KCNIP4: variants seen among roughly 807,000 people sequenced by gnomAD.
KCNIP4 encodes the protein potassium voltage-gated channel interacting protein 4.
Under a neutral mutation model 34.0 loss-of-function variants are expected in KCNIP4, and 12 were observed. The observed-to-expected ratio is 0.35, with a 90% confidence interval of 0.23 to 0.57. The LOEUF is 0.57. Ranked by LOEUF, KCNIP4 falls within the 20% of genes least tolerant of loss-of-function variation. The pLI is 0.83. For missense variants in KCNIP4, 238 were observed against 311.7 expected, an observed-to-expected ratio of 0.76 and a Z score of 1.78; for synonymous variants, 124 against 102.2, an observed-to-expected ratio of 1.21 and a Z score of -1.29.
intron 1 of KCNIP4, among the ~76,000 whole-genome samples, chr4:21,757,190 GGAAGGAAGGAAAGAAA>G (rs1288785203): frequency 0.011 from 397 of 34,768 alleles, 17 homozygotes; most frequent in Admixed American, 0.071. Flanking sequence ...AAGGAAGGAA[GGAAGGAAGGAAAGAAA>G]GAAAGAAAGA....
At chr4:21,342,180 T>A (rs1716822496) in intron 1 of KCNIP4, among the ~76,000 whole-genome samples, 1 of 151,874 alleles carries the variant, frequency 6.6e-6, no homozygotes, top group African/African-American at 2.4e-5. Flanking sequence ...AGATTGTGAC[T>A]CAAAAGTGTA....
intron 1 of KCNIP4, among the ~76,000 whole-genome samples, chr4:21,075,293 A>C (rs1417116018): frequency 6.6e-6 from 1 of 152,050 alleles, no homozygotes; most frequent in Non-Finnish European, 1.5e-5. Flanking sequence ...GTAGGTCTCT[A>C]AGGACTTGCT....
At chr4:20,936,375 C>T (rs760172770) in intron 1 of KCNIP4, among the ~76,000 whole-genome samples, 6 of 151,350 alleles carry the variant, frequency 4.0e-5, no homozygotes, top group Non-Finnish European at 5.9e-5. Context: ...ACATTTATTC[C>T]GGATCTTTCA....
rs192823148 is a variant in KCNIP4, at chr4:21,335,804, T to C, written c.62-453095A>G. ...TATAGCCAGTTTCTAAAATTAATTTTCAAACCTTATTATGAAATGTTTAGC... is the reference window on the plus strand; with the variant it reads ...TATAGCCAGTTTCTAAAATTAATTTCCAAACCTTATTATGAAATGTTTAGC... On this transcript the variant is annotated intron_variant, in intron 1 of 8. Coordinates refer to ENST00000382152, the MANE Select transcript of KCNIP4 (RefSeq NM_025221.6). Among the ~76,000 whole-genome samples the C allele has an allele frequency of 2.5e-3, 381 of 152,286 alleles. 2 individuals carry two copies. Among genetic ancestry groups the C allele is most frequent in the Admixed American group, 3.8e-3 (58 of 15,292 alleles).
intron 1 of KCNIP4, among the ~76,000 whole-genome samples, chr4:21,816,530 C>T (rs1303035587): frequency 6.6e-6 from 1 of 152,144 alleles, no homozygotes; most frequent in African/African-American, 2.4e-5. Context: ...GACATCCTTA[C>T]AGTCAGTTGT....
At chr4:21,122,704 G>C (rs1276256079) in intron 1 of KCNIP4, among the ~76,000 whole-genome samples, 1 of 152,166 alleles carries the variant, frequency 6.6e-6, no homozygotes, top group Non-Finnish European at 1.5e-5. Flanking sequence ...GGATGAGGAA[G>C]TGAGGTGAGA....
At chr4:21,615,381 A>T (rs1355282697) in intron 1 of KCNIP4, among the ~76,000 whole-genome samples, 3 of 114,714 alleles carry the variant, frequency 2.6e-5, no homozygotes, top group Non-Finnish European at 3.6e-5. Context: ...TCTACTAAAA[A>T]TACAAAAAAA....
intron 1 of KCNIP4, among the ~76,000 whole-genome samples, chr4:21,347,203 T>A (rs946531497): frequency 6.6e-6 from 1 of 152,092 alleles, no homozygotes; most frequent in African/African-American, 2.4e-5. Flanking sequence ...AGCCAAACAA[T>A]GAACAATGAG....
At chr4:21,808,848 G>A (rs1285943385) in intron 1 of KCNIP4, among the ~76,000 whole-genome samples, 3 of 152,158 alleles carry the variant, frequency 2.0e-5, no homozygotes, top group African/African-American at 7.2e-5. Flanking sequence ...TAGAAGAGAG[G>A]AGCTACAAAA....
At chr4:21,566,904 C>A (rs1244538604) in intron 1 of KCNIP4, among the ~76,000 whole-genome samples, 1 of 152,102 alleles carries the variant, frequency 6.6e-6, no homozygotes, top group East Asian at 1.9e-4. Context: ...TAAAGCCAAA[C>A]TGCAAAAGGT....
At chr4:20,979,696 C>G (rs1264655085) in intron 1 of KCNIP4, among the ~76,000 whole-genome samples, 1 of 152,068 alleles carries the variant, frequency 6.6e-6, no homozygotes, top group African/African-American at 2.4e-5. Flanking sequence ...CCGCGCCTGG[C>G]TCTGCTTGCA....
At chr4:20,805,526 G>A (rs916714471) in intron 3 of KCNIP4, among the ~76,000 whole-genome samples, 11 of 151,920 alleles carry the variant, frequency 7.2e-5, no homozygotes, top group African/African-American at 2.7e-4. Context: ...TTTGAATATA[G>A]CAATATTTGA....
intron 1 of KCNIP4, among the ~76,000 whole-genome samples, chr4:21,381,405 T>A (rs1269388076): frequency 6.6e-6 from 1 of 152,222 alleles, no homozygotes; most frequent in Non-Finnish European, 1.5e-5. Flanking sequence ...TTATCATTCA[T>A]ATGCTTTCAT....
At chr4:21,453,546 CCTT>C (rs2109750635) in intron 1 of KCNIP4, among the ~76,000 whole-genome samples, 1 of 152,022 alleles carries the variant, frequency 6.6e-6, no homozygotes, top group East Asian at 2.0e-4. Context: ...TTCCTGGAGC[CCTT>C]CTTCATGCCA....
chr4:21,392,856 TG>T (rs1722680223), intron 1 of KCNIP4, among the ~76,000 whole-genome samples: 1 of 152,304 alleles, frequency 6.6e-6, no homozygotes, highest in South Asian at 2.1e-4. Context: ...CAAAACATTA[TG>T]TACAAAGACA....
intron 1 of KCNIP4, among the ~76,000 whole-genome samples, chr4:21,618,856 A>G (rs905834194): frequency 2.6e-5 from 4 of 151,742 alleles, no homozygotes; most frequent in African/African-American, 9.7e-5. Flanking sequence ...GATGGTCTCG[A>G]TCACCTGACC....
At chr4:21,074,613 AG>A (rs1235119892) in intron 1 of KCNIP4, among the ~76,000 whole-genome samples, 1 of 152,094 alleles carries the variant, frequency 6.6e-6, no homozygotes, top group Non-Finnish European at 1.5e-5. Context: ...GATTTTTTGA[AG>A]GGTTTTTTGT....
intron 1 of KCNIP4, among the ~76,000 whole-genome samples, chr4:20,940,645 C>G (rs142912075): frequency 6.6e-6 from 1 of 152,152 alleles, no homozygotes; most frequent in Admixed American, 6.5e-5. Flanking sequence ...TCTTCAGAAA[C>G]TAAAATTTCT....
chr4:21,153,235 G>T (rs1368836412), intron 1 of KCNIP4, among the ~76,000 whole-genome samples: 1 of 152,008 alleles, frequency 6.6e-6, no homozygotes, highest in Admixed American at 6.6e-5. Context: ...CGTAGGAGTT[G>T]CACCATTTTC....
Sources: gnomAD v4.1 joint callset for allele counts (sites outside exome capture counted in the v4.1 genomes callset) on GRCh38, gnomAD v4.1.1 for gene constraint, MANE v1.5 for transcripts, NCBI Gene and HGNC (gene_info 2026-07-23, HGNC 2026-07-21) for gene names.